Variants in MTREX observed in about 807,000 individuals in gnomAD.
The protein encoded by MTREX is Mtr4 exosome RNA helicase.
Under a neutral mutation model 135.4 loss-of-function variants are expected in MTREX, and 76 were observed. The ratio of observed to expected loss-of-function variants is 0.56; its 90% CI spans 0.47 to 0.68. The LOEUF (loss-of-function observed/expected upper bound fraction) is 0.68, where lower values mean the gene tolerates loss of function less well. Among genes scored for constraint, MTREX ranks in the 30% least tolerant of loss-of-function variants. MTREX has a pLI of 0.00. For missense variants in MTREX, 920 were observed against 1,262.1 expected, an observed-to-expected ratio of 0.73 and a Z score of 4.11; for synonymous variants, 404 against 401.6, an observed-to-expected ratio of 1.01 and a Z score of -0.07.
intron 16 of MTREX, among the ~76,000 whole-genome samples, chr5:55,373,155 C>T (rs1750234692): frequency 7.9e-6 from 1 of 126,460 alleles, no homozygotes; most frequent in African/African-American, 2.9e-5. Flanking sequence ...TAGATCTGTT[C>T]ATAATAAATT....
In MTREX at chr5:55,347,232, A is replaced by G. The variant is rs183838238; in HGVS notation, c.1240+88A>G. On this transcript the variant is annotated intron_variant, in intron 11 of 26. Transcript: ENST00000230640. ...GTAATATTTTTATCTGTTACATATTACTAGGATATGCCATTCACCTTACAG... is the reference window on the plus strand; with the variant it reads ...GTAATATTTTTATCTGTTACATATTGCTAGGATATGCCATTCACCTTACAG... The G allele has an allele frequency of 1.2e-4, 156 of 1,317,770 alleles. No homozygotes were observed. The African/African-American group carries it at 2.1e-3, about 18-fold the overall frequency. 81.6% of individuals were successfully genotyped at this position (1,317,770 alleles called of 1,614,324 possible). A position where few individuals can be genotyped will look rare whatever the true frequency, so the allele number is the denominator to read the frequency against.
intron 14 of MTREX, 138 bp downstream of exon 14, chr5:55,353,407 A>T: frequency 3.8e-6 from 2 of 532,442 alleles, no homozygotes; most frequent in Non-Finnish European, 6.3e-6. Flanking sequence ...CATCAAGGTT[A>T]AACCTTGGCT....
chr5:55,345,303 A>G, intron 10 of MTREX, 107 bp downstream of exon 10: 1 of 697,444 alleles, frequency 1.4e-6, no homozygotes, highest in Non-Finnish European at 2.5e-6. Context: ...GTAAAGGTCT[A>G]GACGATATGT....
rs190706771 is a variant in MTREX, at chr5:55,318,073, C to T, written c.135-4254C>T. 3.9e-5 allele frequency among the ~76,000 whole-genome samples: 6 copies of T among 152,216 alleles called. No individual in the cohort carries two copies. In the East Asian group the frequency reaches 1.2e-3, roughly 29 times the overall value. On this transcript the variant is annotated intron_variant, in intron 1 of 26. Coordinates refer to ENST00000230640, the MANE Select transcript of MTREX (RefSeq NM_015360.5). ...GCAAATCAAAACCACAAATGAGATA[C>T]CATCTAACACCAGTCAGAATGGCTA...
At chr5:55,388,608 G>GT (rs1561205613) in intron 19 of MTREX, among the ~76,000 whole-genome samples, 1 of 152,164 alleles carries the variant, frequency 6.6e-6, no homozygotes, top group Non-Finnish European at 1.5e-5. Context: ...GTAAGCCAGT[G>GT]TAAGTGTTCT....
At chr5:55,340,232 A>T (rs1749622322) in intron 6 of MTREX, 48 bp downstream of exon 6, 1 of 1,391,246 alleles carries the variant, frequency 7.2e-7, no homozygotes. Flanking sequence ...AATTAAATTA[A>T]TGTGACTATT....
intron 21 of MTREX, among the ~76,000 whole-genome samples, chr5:55,403,911 T>C (rs1165149424): frequency 1.3e-5 from 2 of 152,212 alleles, no homozygotes; most frequent in African/African-American, 4.8e-5. Flanking sequence ...GATTCTAGGG[T>C]CTGCTAGCCT....
intron 21 of MTREX, among the ~76,000 whole-genome samples, chr5:55,403,838 G>A (rs1750759647): frequency 6.6e-6 from 1 of 152,150 alleles, no homozygotes; most frequent in African/African-American, 2.4e-5. Flanking sequence ...CCCTGGGTTT[G>A]AACCCCATCT....
At position 55,379,123 on chromosome 5, in the gene MTREX, T is replaced by TTA. The variant is rs1403303894; in HGVS notation, c.1984-3_1984-2dup. ...CTTGCTTACTTGCTTTTCTTTCTTTTTAGGTAAAGAATGAAGGAGATGACT... is the reference window on the plus strand; with the variant it reads ...CTTGCTTACTTGCTTTTCTTTCTTTTTATAGGTAAAGAATGAAGGAGATGACT... On this transcript the variant is annotated splice_region_variant and splice_polypyrimidine_tract_variant and intron_variant, in intron 17 of 26. Coordinates refer to ENST00000230640, the MANE Select transcript of MTREX (RefSeq NM_015360.5). 2 of 1,604,910 alleles carry TTA rather than the reference T, an allele frequency of 1.2e-6. No individual in the cohort carries two copies. The highest frequency in any genetic ancestry group is 2.7e-5 in the African/African-American group (2 of 74,752).
chr5:55,395,143 C>T (rs193050102), intron 19 of MTREX, among the ~76,000 whole-genome samples: 76 of 152,188 alleles, frequency 5.0e-4, no homozygotes, highest in African/African-American at 1.8e-3. Context: ...TGGTGGCTCA[C>T]GCCTTTAATC....
At chr5:55,317,785 ATTAAAC>A (rs1324605782) in intron 1 of MTREX, among the ~76,000 whole-genome samples, 1 of 152,228 alleles carries the variant, frequency 6.6e-6, no homozygotes, top group Non-Finnish European at 1.5e-5. Context: ...ATGGGATCTA[ATTAAAC>A]TTAAGAGCTT....
chr5:55,400,204 T>A (rs761676226), intron 20 of MTREX, 29 bp from the exon 21 acceptor site: 1 of 1,508,848 alleles, frequency 6.6e-7, no homozygotes, highest in Admixed American at 2.1e-5. Context: ...GACTATAAGA[T>A]GAAAATGAAT....
In MTREX at chr5:55,407,785, GC is replaced by G. The variant is rs550852560; in HGVS notation, c.2645+2198del. On this transcript the variant is annotated intron_variant, in intron 22 of 26. Coordinates refer to ENST00000230640, the MANE Select transcript of MTREX (RefSeq NM_015360.5). Reference sequence around the variant, plus strand: ...TCTTTCCTTCTTGAGATGGGATTTTGCTCTGTTGCCCAGGCTGGGGTGCAGT... The same window carrying G: ...TCTTTCCTTCTTGAGATGGGATTTTGTCTGTTGCCCAGGCTGGGGTGCAGT... 3.9e-5 allele frequency among the ~76,000 whole-genome samples: 6 copies of G among 152,164 alleles called. No individual in the cohort carries two copies. The South Asian group carries it at 1.2e-3, about 32-fold the overall frequency.
chr5:55,402,848 A>ATGTGTGTGTGTG (rs1206609714), intron 21 of MTREX, among the ~76,000 whole-genome samples: 58 of 44,940 alleles, frequency 1.3e-3, no homozygotes, highest in African/African-American at 3.9e-3. Flanking sequence ...GTGTATGTGT[A>ATGTGTGTGTGTG]TGTATGTGTG....
intron 1 of MTREX, among the ~76,000 whole-genome samples, chr5:55,309,106 C>A (rs1212603803): frequency 3.3e-5 from 5 of 152,194 alleles, no homozygotes; most frequent in Non-Finnish European, 7.4e-5. Flanking sequence ...TATTTATATA[C>A]AAGAGAATAT....
chr5:55,309,298 A>G (rs1327772077), intron 1 of MTREX, among the ~76,000 whole-genome samples: 1 of 152,306 alleles, frequency 6.6e-6, no homozygotes, highest in East Asian at 1.9e-4. Flanking sequence ...CATTTTTAAA[A>G]CCCTGTTGAA....
intron 18 of MTREX, among the ~76,000 whole-genome samples, chr5:55,385,252 C>T (rs2112105930): frequency 6.6e-6 from 1 of 152,160 alleles, no homozygotes; most frequent in Non-Finnish European, 1.5e-5. Flanking sequence ...TTTCATCTTG[C>T]CTCTCCCAAC....
chr5:55,346,293 T>C (rs1161316332), intron 10 of MTREX, among the ~76,000 whole-genome samples: 1 of 152,202 alleles, frequency 6.6e-6, no homozygotes, highest in East Asian at 1.9e-4. Flanking sequence ...TCCAGGAATG[T>C]GTGAGGGTTC....
chr5:55,326,382 AGAGT>A (rs1749378201), intron 3 of MTREX, among the ~76,000 whole-genome samples: 1 of 152,204 alleles, frequency 6.6e-6, no homozygotes, highest in African/African-American at 2.4e-5. Flanking sequence ...CCTGGGTGAC[AGAGT>A]GAGACTCTGT....
Sources: gnomAD v4.1 joint callset for allele counts (sites outside exome capture counted in the v4.1 genomes callset) on GRCh38, gnomAD v4.1.1 for gene constraint, MANE v1.5 for transcripts, NCBI Gene and HGNC (gene_info 2026-07-23, HGNC 2026-07-21) for gene names.